AHNAK: variants seen among roughly 807,000 people sequenced by gnomAD.
The protein encoded by AHNAK is neuroblast differentiation-associated protein AHNAK.
In AHNAK, 23 loss-of-function variants were observed where a neutral mutation model predicts 37.8. The ratio of observed to expected loss-of-function variants is 0.61; its 90% confidence interval spans 0.44 to 0.86. The LOEUF (loss-of-function observed/expected upper bound fraction) is 0.86, where lower values mean the gene tolerates loss of function less well. Ranked by LOEUF, AHNAK falls within the 40% of genes least tolerant of loss-of-function variation. AHNAK has a pLI of 0.00. For synonymous variants in AHNAK, 2,481 were observed against 2,636.3 expected (o/e 0.94, Z 1.80); for missense variants, 7,411 against 7,319.4 (o/e 1.01, Z -0.46).
At chr11:62,440,105 T>C (rs1938271342) in intron 5 of AHNAK, among the ~76,000 whole-genome samples, 1 of 152,182 alleles carries the variant, frequency 6.6e-6, no homozygotes, top group African/African-American at 2.4e-5. Context: ...GATGCACAGC[T>C]ATTGCGATTT....
At position 62,517,331 on chromosome 11, in the gene AHNAK, C is replaced by T; in HGVS notation, c.17086G>A (p.Gly5696Arg). 1.2e-6 allele frequency: 2 copies of T among 1,614,196 alleles called. No individual in the cohort carries two copies. Among genetic ancestry groups the T allele is most frequent in the South Asian group, 1.1e-5 (1 of 91,082 alleles). The change falls in exon 5 of 5, where the codon GGA becomes AGA. Residue 5696 changes from glycine (G) to arginine (R), a missense_variant. By Grantham distance (125) the Gly-to-Arg change is moderately radical (BLOSUM62 -2). Coordinates refer to ENST00000378024, the MANE Select transcript of AHNAK (RefSeq NM_001620.3). ...KAEASIQAGA[G>R]DGEWEESEVK... ...TCAGACTCTTCCCACTCGCCGTCTCCAGCACCAGCTTGGATGCTGGCCTCT... is the reference window on the plus strand; with the variant it reads ...TCAGACTCTTCCCACTCGCCGTCTCTAGCACCAGCTTGGATGCTGGCCTCT...
intron 5 of AHNAK, among the ~76,000 whole-genome samples, chr11:62,472,126 C>G (rs1939048569): frequency 6.6e-6 from 1 of 152,116 alleles, no homozygotes; most frequent in South Asian, 2.1e-4. Context: ...CACAGGCCCC[C>G]TTTCCCACAT....
At position 62,531,140 on chromosome 11, in the gene AHNAK, C is replaced by T. The variant is rs574259612; in HGVS notation, c.3277G>A (p.Glu1093Lys). The T allele has an allele frequency of 6.2e-7, 1 of 1,614,136 alleles. No individual in the cohort carries two copies. Among genetic ancestry groups the T allele is most frequent in the African/African-American group, 1.3e-5 (1 of 75,048 alleles). The change falls in exon 5 of 5, where the codon GAG (glutamate) becomes AAG (lysine). Residue 1093 changes from glutamate to lysine, a missense_variant. By Grantham distance (56) the Glu-to-Lys change is moderately conservative (BLOSUM62 1). Coordinates refer to ENST00000378024, the MANE Select transcript of AHNAK (RefSeq NM_001620.3). ...ACATCTGGAACCTGCATTTCACCCT[C>T]TATCTTTGGTGCAGAGATATCTACA... is the stretch of plus-strand genomic sequence containing the variant. ...GNVDISAPKI[E>K]GEMQVPDVDI...
At position 62,521,813 on chromosome 11, in the gene AHNAK, T is replaced by C; in HGVS notation, c.12604A>G (p.Lys4202Glu). ...ACATCCACATCTGGGCCCTCTCCTT[T>C]GAAGCCAGGCATGCTGAACTTGGGC... ...KMPKFSMPGF[K>E]GEGPDVDVNL... Residue 4202 changes from lysine (K) to glutamate (E), a missense_variant, in exon 5 of 5, where the codon AAA (lysine) becomes GAA (glutamate). Coordinates refer to ENST00000378024, the MANE Select transcript of AHNAK (RefSeq NM_001620.3). 1.2e-5 allele frequency: 19 copies of C among 1,613,642 alleles called. No homozygotes were observed. The highest frequency in any genetic ancestry group is 1.6e-5 in the Non-Finnish European group (19 of 1,179,922).
At chr11:62,458,417 C>A (rs933314982) in intron 5 of AHNAK, among the ~76,000 whole-genome samples, 5 of 152,040 alleles carry the variant, frequency 3.3e-5, no homozygotes, top group African/African-American at 1.2e-4. Flanking sequence ...ACAGAGTGCA[C>A]CACGGTTCTG....
intron 5 of AHNAK, among the ~76,000 whole-genome samples, chr11:62,451,544 C>A (rs1199437501): frequency 1.3e-5 from 2 of 151,970 alleles, no homozygotes; most frequent in African/African-American, 4.8e-5. Flanking sequence ...TCAAGACCAG[C>A]CTGGACAACA....
intron 5 of AHNAK, among the ~76,000 whole-genome samples, chr11:62,480,803 T>TAAA (rs1172126377): frequency 0.044 from 1,943 of 44,462 alleles, 61 homozygotes; most frequent in African/African-American, 0.072. Flanking sequence ...TGCGTGCAGT[T>TAAA]AAAAAAAAAA....
chr11:62,533,124 C>T lies in AHNAK; in HGVS notation c.1293G>A (p.Val431=). 6.4e-7 allele frequency: 1 copy of T among 1,569,534 alleles called. No homozygotes were observed. The highest frequency in any genetic ancestry group is 8.6e-7 in the Non-Finnish European group (1 of 1,162,226). The part of the protein sequence containing the change: ...DVQGPGSKLN[V]PKMKVPKFSV... ...AGAACTTGGGGACTTTCATCTTGGG[C>T]ACATTCAGTTTGCTCCCAGGCCCCT... The change falls in exon 5 of 5, where the codon GTG becomes GTA. Residue 431 remains valine (V), a synonymous_variant. Coordinates refer to ENST00000378024, the MANE Select transcript of AHNAK (RefSeq NM_001620.3).
At chr11:62,479,058 G>A (rs2134866109) in intron 5 of AHNAK, among the ~76,000 whole-genome samples, 1 of 151,756 alleles carries the variant, frequency 6.6e-6, no homozygotes, top group Non-Finnish European at 1.5e-5. Flanking sequence ...TTTCATTAAT[G>A]TTGACACAGT....
At chr11:62,479,167 CTTTTTTTT>C (rs33929407) in intron 5 of AHNAK, among the ~76,000 whole-genome samples, 1 of 116,252 alleles carries the variant, frequency 8.6e-6, no homozygotes, top group Non-Finnish European at 1.7e-5. Context: ...TTTCTTTTTT[CTTTTTTTT>C]TTTTTTTTTG....
intron 4 of AHNAK, among the ~76,000 whole-genome samples, chr11:62,506,909 C>T (rs1171731665): frequency 6.6e-6 from 1 of 152,116 alleles, no homozygotes; most frequent in African/African-American, 2.4e-5. Context: ...GGTGTATGTC[C>T]CAGTTTTTTC....
At position 62,535,900 on chromosome 11, in the gene AHNAK, A is replaced by AC. The variant is rs749296698; in HGVS notation, c.154+44dup. On this transcript the variant is annotated intron_variant, in intron 3 of 4. Coordinates refer to ENST00000378024, the MANE Select transcript of AHNAK (RefSeq NM_001620.3). The stretch of plus-strand genomic sequence containing the variant: ...GCCCTTCCCTCCAACACCCCCACCG[A>AC]CCCCCCAACCACCAGCACCCAGTCC... 7 of 1,559,348 alleles carry AC rather than the reference A, an allele frequency of 4.5e-6. No homozygotes were observed. The East Asian group carries it at 1.4e-4, about 31-fold the overall frequency.
intron 5 of AHNAK, among the ~76,000 whole-genome samples, chr11:62,453,963 C>T (rs1938594993): frequency 6.6e-6 from 1 of 151,920 alleles, no homozygotes; most frequent in Non-Finnish European, 1.5e-5. Flanking sequence ...AAAAATTAGC[C>T]AGGCATGGTG....
rs760738893 is a variant in AHNAK at position 62,533,823 on chromosome 11, C to T, written c.594G>A (p.Glu198=). ...ELTEISNVDV[E]TQSGKTVIRL... The stretch of plus-strand genomic sequence containing the variant: ...TGATCACGGTCTTCCCAGACTGGGT[C>T]TCCACATCCACATTGGAGATTTCAG... Residue 198 remains glutamate (E), a synonymous_variant, in exon 5 of 5, where the codon GAG becomes GAA. Transcript: ENST00000378024. 2.5e-6 allele frequency: 4 copies of T among 1,614,158 alleles called. No homozygotes were observed. The South Asian group carries it at 4.4e-5, about 18-fold the overall frequency.
rs747826641 is a variant in AHNAK, at chr11:62,533,976, C to G, written c.441G>C (p.Gln147His). 3.1e-6 allele frequency: 5 copies of G among 1,611,590 alleles called. No individual in the cohort carries two copies. The highest frequency in any genetic ancestry group is 4.2e-6 in the Non-Finnish European group (5 of 1,178,206). The change falls in exon 5 of 5, where the codon CAG (glutamine) becomes CAC (histidine). Residue 147 changes from glutamine (Q) to histidine (H), a missense_variant. Gln to His is a conservative substitution (Grantham distance 24). Coordinates refer to ENST00000378024, the MANE Select transcript of AHNAK (RefSeq NM_001620.3). ...DGVEGDLGETQSRTITVTRRV... is the reference protein window; with the variant it reads ...DGVEGDLGETHSRTITVTRRV... ...TTCTGGTCACTGTGATGGTACGGCT[C>G]TGGGTCTCCCCGAGGTCTCCTTCCA... is the stretch of plus-strand genomic sequence containing the variant.
chr11:62,531,297 A>C lies in AHNAK; in HGVS notation c.3120T>G (p.Asp1040Glu). Residue 1040 changes from aspartate (D) to glutamate (E), a missense_variant, in exon 5 of 5, where the codon GAT (aspartate) becomes GAG (glutamate). Physicochemically the swap from Asp to Glu is conservative, Grantham distance 45 (BLOSUM62 2). Coordinates refer to ENST00000378024, the MANE Select transcript of AHNAK (RefSeq NM_001620.3). ...SAPKVDTNAP[D>E]LSLEGPEGKL... ...TCCCTTCAGGTCCTTCAAGGCTCAG[A>C]TCTGGAGCATTAGTATCTACTTTTG... 6.2e-7 allele frequency: 1 copy of C among 1,613,856 alleles called. No individual in the cohort carries two copies. Among genetic ancestry groups the C allele is most frequent in the Non-Finnish European group, 8.5e-7 (1 of 1,179,910 alleles).
At position 62,528,609 on chromosome 11, in the gene AHNAK, G is replaced by C; in HGVS notation, c.5808C>G (p.Val1936=). The change falls in exon 5 of 5, where the codon GTC becomes GTG. Residue 1936 remains valine (V), a synonymous_variant. Coordinates refer to ENST00000378024, the MANE Select transcript of AHNAK (RefSeq NM_001620.3). The part of the protein sequence containing the change: ...DVDLHLKGPK[V]KGDVDVSVPK... ...GCACCGACACATCCACATCCCCTTT[G>C]ACTTTGGGGCCTTTCAAGTGTAAGT... 6.2e-7 allele frequency: 1 copy of C among 1,609,958 alleles called. No homozygotes were observed. The highest frequency in any genetic ancestry group is 8.5e-7 in the Non-Finnish European group (1 of 1,179,166).
intron 5 of AHNAK, among the ~76,000 whole-genome samples, chr11:62,483,702 CA>C (rs987178136): frequency 6.6e-6 from 1 of 151,094 alleles, no homozygotes. Context: ...ACTAAAAATA[CA>C]AAAAAAATAG....
rs1940205969 is a variant in AHNAK at position 62,520,671 on chromosome 11, T to C, written c.13746A>G (p.Lys4582=). 6.2e-7 allele frequency: 1 copy of C among 1,613,512 alleles called. No homozygotes were observed. The part of the protein sequence containing the change: ...PEGKLKGPKF[K]MPDLHLKAPK... Reference sequence around the variant, plus strand: ...GTGCCTTGAGGTGTAAGTCAGGCATTTTAAATTTGGGGCCCTTCAGTTTCC... The same window carrying C: ...GTGCCTTGAGGTGTAAGTCAGGCATCTTAAATTTGGGGCCCTTCAGTTTCC... The change falls in exon 5 of 5, where the codon AAA becomes AAG. Residue 4582 remains lysine (K), a synonymous_variant. Transcript: ENST00000378024.
Sources: gnomAD v4.1 joint callset for allele counts (sites outside exome capture counted in the v4.1 genomes callset) on GRCh38, gnomAD v4.1.1 for gene constraint, MANE v1.5 for transcripts, NCBI Gene and HGNC (gene_info 2026-07-23, HGNC 2026-07-21) for gene names.